The following WDR12 variants were observed in gnomAD, a reference collection of about 807,000 sequenced individuals.
WDR12 encodes WD repeat domain 12, also known as ribosome biogenesis protein WDR12.
In WDR12, 42 loss-of-function variants were observed where a neutral mutation model predicts 64.3. The ratio of observed to expected loss-of-function variants is 0.65; its 90% confidence interval spans 0.51 to 0.84. WDR12 has a LOEUF of 0.84. WDR12 is among the 40% of genes least tolerant of loss of function. WDR12 has a pLI of 0.00. For missense variants in WDR12, 469 were observed against 494.6 expected (o/e 0.95, Z 0.49); for synonymous variants, 158 against 173.3 (o/e 0.91, Z 0.70).
chr2:202,883,216 A>G (rs1162712104), intron 11 of WDR12, among the ~76,000 whole-genome samples: 1 of 151,846 alleles, frequency 6.6e-6, no homozygotes, highest in Non-Finnish European at 1.5e-5. Flanking sequence ...GCTCACTGCA[A>G]CCTCCGCCTC....
At chr2:202,903,319 T>C (rs1381204772) in intron 2 of WDR12, among the ~76,000 whole-genome samples, 1 of 152,240 alleles carries the variant, frequency 6.6e-6, no homozygotes, top group Non-Finnish European at 1.5e-5. Context: ...TCATATATAA[T>C]AGACCCCCAT....
rs1687923547 is a variant in WDR12 at position 202,880,067 on chromosome 2, C to G, written c.*793G>C. 1 of 152,008 alleles carries G rather than the reference C, an allele frequency of 6.6e-6. No individual in the cohort carries two copies. 9.4% of individuals were successfully genotyped at this position (152,008 alleles called of 1,614,324 possible). A position where few individuals can be genotyped will look rare whatever the true frequency, so the allele number is the denominator to read the frequency against. Reference sequence around the variant, plus strand: ...TACATTTTTTTTAATGTTCTGAGTACCCTCACAGCCTAATTTTCTTGAACA... The same window carrying G: ...TACATTTTTTTTAATGTTCTGAGTAGCCTCACAGCCTAATTTTCTTGAACA... On this transcript the variant is annotated 3_prime_UTR_variant, in exon 13 of 13. Coordinates refer to ENST00000261015, the MANE Select transcript of WDR12 (RefSeq NM_018256.4).
At chr2:202,908,814 G>A (rs970705526) in intron 1 of WDR12, among the ~76,000 whole-genome samples, 2 of 152,190 alleles carry the variant, frequency 1.3e-5, no homozygotes, top group Non-Finnish European at 2.9e-5. Context: ...TTATAAGAGA[G>A]ACTGTGAGAA....
intron 2 of WDR12, among the ~76,000 whole-genome samples, chr2:202,905,963 G>A (rs773132237): frequency 4.6e-5 from 7 of 152,078 alleles, no homozygotes; most frequent in Non-Finnish European, 7.4e-5. Flanking sequence ...GTATTTGATA[G>A]CACAACTGGA....
chr2:202,877,280 T>C lies in WDR12; in HGVS notation c.*3580A>G, dbSNP rs1234305045. The C allele has an allele frequency of 4.8e-5, 7 of 146,570 alleles. No individual in the cohort carries two copies. In the Admixed American group the frequency reaches 4.8e-4, roughly 10 times the overall value. 9.1% of individuals were successfully genotyped at this position (146,570 alleles called of 1,614,324 possible). On this transcript the variant is annotated 3_prime_UTR_variant, in exon 13 of 13. Coordinates refer to ENST00000261015, the MANE Select transcript of WDR12 (RefSeq NM_018256.4). ...ATTCCAAATTCAAAGGAAAAGAAAA[T>C]ATTGATCATCTTCTCATAGAAAAGC...
At chr2:202,908,727 A>G (rs1574412751) in intron 1 of WDR12, among the ~76,000 whole-genome samples, 1 of 152,364 alleles carries the variant, frequency 6.6e-6, no homozygotes, top group South Asian at 2.1e-4. Flanking sequence ...ATCAGATTTT[A>G]TTTAGTTAGA....
At chr2:202,911,339 G>T in intron 1 of WDR12, 97 bp downstream of exon 1, 2 of 1,194,116 alleles carry the variant, frequency 1.7e-6, no homozygotes, top group South Asian at 1.2e-5. Context: ...AAGGGTGGGG[G>T]TGACAGCAGA....
intron 2 of WDR12, among the ~76,000 whole-genome samples, chr2:202,903,205 T>C (rs904492960): frequency 4.1e-4 from 62 of 152,212 alleles, no homozygotes; most frequent in African/African-American, 1.4e-3. Context: ...CATATGATCA[T>C]TTCAATTGAT....
rs1688656142 is a variant in WDR12, at chr2:202,911,557, A to G, written c.-81T>C. 2 of 1,329,298 alleles carry G rather than the reference A, an allele frequency of 1.5e-6. No individual in the cohort carries two copies. The highest frequency in any genetic ancestry group is 3.4e-5 in the Admixed American group (2 of 59,204). The allele number at this position is 1,329,298 out of a possible 1,614,324, so 82.3% of individuals were successfully genotyped here. A position where few individuals can be genotyped will look rare whatever the true frequency, so the allele number is the denominator to read the frequency against. On this transcript the variant is annotated 5_prime_UTR_variant, in exon 1 of 13. Coordinates refer to ENST00000261015, the MANE Select transcript of WDR12 (RefSeq NM_018256.4). ...CACGAAGCTCCTGCCTTTTAAGACT[A>G]CAAAGAGGCAGCTCAAAATTAGACT... is the stretch of plus-strand genomic sequence containing the variant.
At chr2:202,893,943 T>G (rs958597690) in intron 7 of WDR12, among the ~76,000 whole-genome samples, 21 of 152,194 alleles carry the variant, frequency 1.4e-4, no homozygotes. Flanking sequence ...GACTCAAAAG[T>G]CATTCTTACA....
chr2:202,883,405 G>A, intron 11 of WDR12: 1 of 479,730 alleles, frequency 2.1e-6, no homozygotes, highest in Non-Finnish European at 3.7e-6. Flanking sequence ...CAAAGTGCTG[G>A]GATTACAGGT....
intron 8 of WDR12, among the ~76,000 whole-genome samples, chr2:202,887,221 C>T (rs1482242048): frequency 2.0e-5 from 3 of 152,148 alleles, no homozygotes; most frequent in African/African-American, 7.2e-5. Context: ...GACGGGGTTT[C>T]ACCATGTTGG....
chr2:202,892,814 G>A, intron 7 of WDR12, 112 bp from the exon 8 acceptor site: 1 of 606,718 alleles, frequency 1.6e-6, no homozygotes. Context: ...CACACAGTTA[G>A]GGAATGAATA....
At position 202,876,419 on chromosome 2, in the gene WDR12, G is replaced by A. The variant is rs1687859972; in HGVS notation, c.*4441C>T. ...TTATTGTGTTTGATACTTAATCTATGATAGTCAAAAATGTCAACAATGAAG... is the reference window on the plus strand; with the variant it reads ...TTATTGTGTTTGATACTTAATCTATAATAGTCAAAAATGTCAACAATGAAG... On this transcript the variant is annotated 3_prime_UTR_variant, in exon 13 of 13. Transcript: ENST00000261015. 6.6e-6 allele frequency: 1 copy of A among 152,168 alleles called. No homozygotes were observed. Among genetic ancestry groups the A allele is most frequent in the Admixed American group, 6.5e-5 (1 of 15,276 alleles). The allele number at this position is 152,168 out of a possible 1,614,324, so 9.4% of individuals were successfully genotyped here.
At chr2:202,902,651 G>A (rs1385348997) in intron 2 of WDR12, among the ~76,000 whole-genome samples, 1 of 150,610 alleles carries the variant, frequency 6.6e-6, no homozygotes, top group Non-Finnish European at 1.5e-5. Context: ...GTTTGCCAGG[G>A]ATTCTCAGGT....
At chr2:202,897,273 C>G in intron 5 of WDR12, 27 bp downstream of exon 5, 1 of 1,523,894 alleles carries the variant, frequency 6.6e-7, no homozygotes, top group Admixed American at 1.9e-5. Flanking sequence ...TCTAGGATTC[C>G]TCTAAGTGTA....
In WDR12 at chr2:202,907,964, A is replaced by G. The variant is rs747824925; in HGVS notation, c.42-5T>C. On this transcript the variant is annotated splice_polypyrimidine_tract_variant and splice_region_variant and intron_variant, in intron 1 of 12. Transcript: ENST00000261015. ...GGAACATCATCTACGGCATATCTAT[A>G]AAAAGGAAATGATATGTCAAGATCA... 2 of 1,612,156 alleles carry G rather than the reference A, an allele frequency of 1.2e-6. No individual in the cohort carries two copies. Among genetic ancestry groups the G allele is most frequent in the East Asian group, 2.2e-5 (1 of 44,838 alleles).
At chr2:202,889,897 A>AGG (rs138923090) in intron 8 of WDR12, among the ~76,000 whole-genome samples, 2 of 151,512 alleles carry the variant, frequency 1.3e-5, no homozygotes, top group East Asian at 3.9e-4. Flanking sequence ...TCCTCTCAAA[A>AGG]GGGGGGAAAG....
At chr2:202,903,101 A>C (rs1201687378) in intron 2 of WDR12, among the ~76,000 whole-genome samples, 1 of 151,998 alleles carries the variant, frequency 6.6e-6, no homozygotes, top group Non-Finnish European at 1.5e-5. Flanking sequence ...AAAAACAAAA[A>C]ATCTCTCTTT....
Sources: allele counts gnomAD v4.1 joint callset (sites outside exome capture counted in the v4.1 genomes callset), GRCh38; gene constraint gnomAD v4.1.1; transcripts MANE v1.5; gene names NCBI Gene and HGNC (gene_info 2026-07-23, HGNC 2026-07-21).